BNIP2: variants seen among roughly 807,000 people sequenced by gnomAD.
The protein encoded by BNIP2 is BCL2/adenovirus E1B 19 kDa protein-interacting protein 2.
BNIP2 carries 36 observed loss-of-function variants against 43.4 expected under a neutral mutation model. The ratio of observed to expected loss-of-function variants is 0.83; its 90% CI spans 0.64 to 1.10. The LOEUF (loss-of-function observed/expected upper bound fraction) is 1.10. BNIP2 is among the 50% of genes least tolerant of loss of function. The probability of loss-of-function intolerance (pLI) is 0.00; values close to 1 mark genes in which losing one functional copy is unlikely to be tolerated. For synonymous variants in BNIP2, 146 were observed against 121.0 expected (o/e 1.21, Z -1.35); for missense variants, 417 against 374.1 (o/e 1.11, Z -0.95).
At chr15:59,673,536 C>G (rs1173073202) in intron 5 of BNIP2, among the ~76,000 whole-genome samples, 5 of 152,190 alleles carry the variant, frequency 3.3e-5, no homozygotes, top group African/African-American at 4.8e-5. Flanking sequence ...GGGATCTTCC[C>G]ACCTCATAGC....
At chr15:59,687,214 T>G (rs1030840343) in intron 1 of BNIP2, among the ~76,000 whole-genome samples, 9 of 152,192 alleles carry the variant, frequency 5.9e-5, no homozygotes, top group African/African-American at 2.2e-4. Context: ...AACTGATGTC[T>G]CAGTTTGTTG....
rs1892747868 is a variant in BNIP2, at chr15:59,669,196, G to C, written c.794+80C>G. On this transcript the variant is annotated intron_variant, in intron 8 of 9. Coordinates refer to ENST00000607373, the MANE Select transcript of BNIP2 (RefSeq NM_004330.4). ...CAAAATATAGCTCTGTATCCCATAA[G>C]TATGTATAGTTATTATGTGTTAACT... is the stretch of plus-strand genomic sequence containing the variant. The C allele has an allele frequency of 6.3e-6, 7 of 1,116,674 alleles. No homozygotes were observed. In the South Asian group the frequency reaches 1.1e-4, roughly 17 times the overall value. 69.2% of individuals were successfully genotyped at this position (1,116,674 alleles called of 1,614,324 possible). A position where few individuals can be genotyped will look rare whatever the true frequency, so the allele number is the denominator to read the frequency against.
intron 2 of BNIP2, among the ~76,000 whole-genome samples, chr15:59,681,347 T>C (rs1361350025): frequency 2.0e-5 from 3 of 151,818 alleles, no homozygotes; most frequent in Non-Finnish European, 2.9e-5. Context: ...TAATTGTAAA[T>C]ACAAATGCAA....
intron 5 of BNIP2, among the ~76,000 whole-genome samples, chr15:59,676,381 C>T (rs558711190): frequency 3.3e-5 from 5 of 151,640 alleles, no homozygotes; most frequent in South Asian, 4.2e-4. Context: ...TTTGTGGAGA[C>T]GAGGTCTATG....
chr15:59,680,335 T>C, intron 2 of BNIP2, 27 bp from the exon 3 acceptor site: 9 of 1,547,434 alleles, frequency 5.8e-6, no homozygotes, highest in Non-Finnish European at 7.9e-6. Flanking sequence ...TACTTTTTAA[T>C]CCAGAAATTA....
chr15:59,676,362 T>A (rs1402056677), intron 5 of BNIP2, among the ~76,000 whole-genome samples: 2 of 152,006 alleles, frequency 1.3e-5, no homozygotes, highest in African/African-American at 4.8e-5. Flanking sequence ...TTTTTATTTT[T>A]TTTATTTTTT....
intron 1 of BNIP2, chr15:59,688,876 C>T: frequency 6.8e-7 from 1 of 1,481,242 alleles, no homozygotes; most frequent in Non-Finnish European, 8.9e-7. Flanking sequence ...GCACAACTAC[C>T]AGAAACGGAA....
intron 1 of BNIP2, among the ~76,000 whole-genome samples, chr15:59,686,508 A>G (rs1212277822): frequency 2.0e-5 from 3 of 152,198 alleles, no homozygotes; most frequent in Non-Finnish European, 2.9e-5. Flanking sequence ...TTATGCGGAA[A>G]TCAATTACAG....
chr15:59,683,754 G>A (rs1595707918), intron 1 of BNIP2, among the ~76,000 whole-genome samples: 1 of 152,318 alleles, frequency 6.6e-6, no homozygotes, highest in African/African-American at 2.4e-5. Flanking sequence ...GGGAGGTGGA[G>A]GTTGCAGCGA....
In BNIP2 at chr15:59,659,158, AATTT is replaced by A. The variant is rs1175995922; in HGVS notation, c.*4907_*4910del. ...AAAGACAAAGACGAACGTTCCAATT[AATTT>A]ATTTAAATTCATTAATGTTGCAAAA... On this transcript the variant is annotated 3_prime_UTR_variant, in exon 10 of 10. Coordinates refer to ENST00000607373, the MANE Select transcript of BNIP2 (RefSeq NM_004330.4). 7.9e-5 allele frequency: 12 copies of A among 152,266 alleles called. No homozygotes were observed. Among genetic ancestry groups the A allele is most frequent in the African/African-American group, 2.4e-4 (10 of 41,468 alleles). 9.4% of individuals were successfully genotyped at this position (152,266 alleles called of 1,614,324 possible). A position where few individuals can be genotyped will look rare whatever the true frequency, so the allele number is the denominator to read the frequency against.
chr15:59,688,443 T>C, intron 1 of BNIP2: 1 of 311,722 alleles, frequency 3.2e-6, no homozygotes, highest in Admixed American at 4.7e-5. Flanking sequence ...TTTATTCAAT[T>C]AAATAAATAG....
At position 59,672,694 on chromosome 15, in the gene BNIP2, C is replaced by A. The variant is rs1893009523; in HGVS notation, c.518G>T (p.Cys173Phe). 3 of 1,613,712 alleles carry A rather than the reference C, an allele frequency of 1.9e-6. No homozygotes were observed. The highest frequency in any genetic ancestry group is 2.5e-6 in the Non-Finnish European group (3 of 1,179,784). The change falls in exon 6 of 10, where the codon TGT becomes TTT. Residue 173 changes from cysteine (C) to phenylalanine (F), a missense_variant. Physicochemically the swap from Cys to Phe is radical, Grantham distance 205. Coordinates refer to ENST00000607373, the MANE Select transcript of BNIP2 (RefSeq NM_004330.4). ...GLNAIVVFAV[C>F]FMPESSQPNY... ...AGGCTGACTACTTTCAGGCATGAAA[C>A]AGACAGCAAACACAACAATGGCATT...
intron 1 of BNIP2, chr15:59,688,676 A>C (rs1009707758): frequency 5.0e-5 from 77 of 1,527,208 alleles, no homozygotes; most frequent in Non-Finnish European, 6.8e-5. Flanking sequence ...AGATCTATTA[A>C]AGCCCTGATT....
At chr15:59,665,321 T>C (rs891487125) in intron 9 of BNIP2, 3 of 145,886 alleles carry the variant, frequency 2.1e-5, no homozygotes, top group African/African-American at 7.6e-5. Flanking sequence ...CTAATATAAA[T>C]TAATTATTGG....
Position 59,669,348 on chromosome 15 carries a change from A to G in BNIP2, c.722T>C (p.Leu241Pro). The change falls in exon 8 of 10, where the codon CTA becomes CCA. Residue 241 changes from leucine (L) to proline (P), a missense_variant. By Grantham distance (98) the Leu-to-Pro change is moderately conservative. Coordinates refer to ENST00000607373, the MANE Select transcript of BNIP2 (RefSeq NM_004330.4). Reference protein sequence around the residue: ...QQIDRRLRKNLKSLIIVHPSW... With the variant: ...QQIDRRLRKNPKSLIIVHPSW... ...AGGATGTACAATGATTAGGGATTTT[A>G]GATTTTTCCGTAACCTGGAGTTTAA... The G allele has an allele frequency of 6.5e-7, 1 of 1,527,102 alleles. No homozygotes were observed. The highest frequency in any genetic ancestry group is 8.8e-7 in the Non-Finnish European group (1 of 1,142,566). 94.6% of individuals were successfully genotyped at this position (1,527,102 alleles called of 1,614,324 possible). A position where few individuals can be genotyped will look rare whatever the true frequency, so the allele number is the denominator to read the frequency against.
Position 59,668,887 on chromosome 15 carries a change from C to T in BNIP2, c.893+5G>A. On this transcript the variant is annotated splice_donor_5th_base_variant and intron_variant, in intron 9 of 9. Coordinates refer to ENST00000607373, the MANE Select transcript of BNIP2 (RefSeq NM_004330.4). Reference sequence around the variant, plus strand: ...ATACAATTAAGGAAATAAAACAAAACATACTGTTTTATGCATTCTGGTATG... The same window carrying T: ...ATACAATTAAGGAAATAAAACAAAATATACTGTTTTATGCATTCTGGTATG... The T allele has an allele frequency of 1.2e-6, 2 of 1,606,500 alleles. No homozygotes were observed. Among genetic ancestry groups the T allele is most frequent in the Non-Finnish European group, 1.7e-6 (2 of 1,174,722 alleles).
chr15:59,660,727 T>G lies in BNIP2; in HGVS notation c.*3342A>C, dbSNP rs1175080609. 6.6e-6 allele frequency: 1 copy of G among 152,146 alleles called. No individual in the cohort carries two copies. The highest frequency in any genetic ancestry group is 1.5e-5 in the Non-Finnish European group (1 of 68,030). 9.4% of individuals were successfully genotyped at this position (152,146 alleles called of 1,614,324 possible). ...CAGCATATTTCAGTATTCAGTGCAC[T>G]TACTAGTGATGTCCATTTTGGAAGA... is the stretch of plus-strand genomic sequence containing the variant. On this transcript the variant is annotated 3_prime_UTR_variant, in exon 10 of 10. Coordinates refer to ENST00000607373, the MANE Select transcript of BNIP2 (RefSeq NM_004330.4).
rs1892731883 is a variant in BNIP2 at position 59,668,932 on chromosome 15, C to T, written c.853G>A (p.Val285Ile). Reference protein sequence around the residue: ...VFNLAELAELVPMEYVGIPEC... With the variant: ...VFNLAELAELIPMEYVGIPEC... ...GGTATGCCAACGTATTCCATGGGGA[C>T]AAGTTCTGCTAGTTCTGCCAAATTA... Residue 285 changes from valine (V) to isoleucine (I), a missense_variant, in exon 9 of 10, where the codon GTC (valine) becomes ATC (isoleucine). Val to Ile is a conservative substitution (Grantham distance 29). Transcript: ENST00000607373. 6.2e-7 allele frequency: 1 copy of T among 1,613,572 alleles called. No homozygotes were observed. The highest frequency in any genetic ancestry group is 8.5e-7 in the Non-Finnish European group (1 of 1,179,760).
chr15:59,688,757 T>C (rs1894186966), intron 1 of BNIP2: 26 of 1,535,662 alleles, frequency 1.7e-5, no homozygotes, highest in Non-Finnish European at 2.1e-5. Context: ...CTTTGTTCTG[T>C]ACCAGGACGG....
Sources: allele counts gnomAD v4.1 joint callset (sites outside exome capture counted in the v4.1 genomes callset), GRCh38; gene constraint gnomAD v4.1.1; transcripts MANE v1.5; gene names NCBI Gene and HGNC (gene_info 2026-07-23, HGNC 2026-07-21).